The following NOTCH1 variants were observed in gnomAD, a reference collection of about 807,000 sequenced individuals.
NOTCH1 encodes the protein neurogenic locus notch homolog protein 1.
A neutral mutation model predicts 254.8 loss-of-function variants in NOTCH1; 37 were observed. The observed-to-expected ratio is 0.15, with a 90% CI of 0.11 to 0.19. The LOEUF (loss-of-function observed/expected upper bound fraction) is 0.19. Ranked by LOEUF, NOTCH1 falls within the 10% of genes least tolerant of loss-of-function variation. The pLI, the probability that NOTCH1 is intolerant of heterozygous loss-of-function variation, is 1.00. For missense variants in NOTCH1, 2,972 were observed against 3,708.6 expected (o/e 0.80, Z 5.16); for synonymous variants, 1,731 against 1,618.1 (o/e 1.07, Z -1.68).
intron 18 of NOTCH1, 152 bp downstream of exon 18, chr9:136,509,581 C>T (rs914949373): frequency 2.3e-5 from 17 of 727,046 alleles, no homozygotes; most frequent in African/African-American, 1.9e-4. Context: ...AGGGACAGGT[C>T]GGTACAATGA....
chr9:136,496,197 A>G lies in NOTCH1; in HGVS notation c.7542T>C (p.Pro2514=). The G allele has an allele frequency of 6.2e-7, 1 of 1,610,118 alleles. No homozygotes were observed. The change falls in exon 34 of 34, where the codon CCT becomes CCC. Residue 2514 remains proline, a synonymous_variant. Transcript: ENST00000651671. ...AGCTGGACCACTGGTCAGGGGACTC[A>G]GGGGACGGGGTGAGGAAGGGGTGCT... is the stretch of plus-strand genomic sequence containing the variant. ...VPEHPFLTPS[P]ESPDQWSSSS...
In NOTCH1 at chr9:136,514,714, G is replaced by A; in HGVS notation, c.2015-12C>T. The A allele has an allele frequency of 6.2e-7, 1 of 1,611,106 alleles. No individual in the cohort carries two copies. The highest frequency in any genetic ancestry group is 8.5e-7 in the Non-Finnish European group (1 of 1,179,306). ...GTTACACATGCTCCCTAAGGGCAGG[G>A]CGGGTCAGACTCCGAGGCCCAGCGC... On this transcript the variant is annotated splice_polypyrimidine_tract_variant and intron_variant, in intron 12 of 33. Transcript: ENST00000651671.
At chr9:136,542,607 C>T (rs1174748339) in intron 2 of NOTCH1, among the ~76,000 whole-genome samples, 1 of 126,962 alleles carries the variant, frequency 7.9e-6, no homozygotes, top group African/African-American at 3.0e-5. Context: ...ACACAATCGG[C>T]TTTGTCCATT....
chr9:136,519,752 A>G (rs1843337432), intron 4 of NOTCH1, 187 bp from the exon 5 acceptor site: 1 of 767,744 alleles, frequency 1.3e-6, no homozygotes, highest in African/African-American at 1.7e-5. Flanking sequence ...TGAAAGAATC[A>G]TTTTGGACAG....
Position 136,506,402 on chromosome 9 carries a change from T to A in NOTCH1, c.4014+125A>T. On this transcript the variant is annotated intron_variant, in intron 24 of 33. Transcript: ENST00000651671. This position sits in a 1 kb window ranked among gnomAD's most constrained non-coding sequence, Gnocchi z 4.5. The stretch of plus-strand genomic sequence containing the variant: ...TGAAACTAAAAAAAAAAAAAAGACA[T>A]CAGGGTGAGGAGGAGGATGAAGGCC... 33 of 671,194 alleles carry A rather than the reference T, an allele frequency of 4.9e-5. No homozygotes were observed. Among genetic ancestry groups the A allele is most frequent in the Non-Finnish European group, 7.8e-5 (31 of 399,772 alleles). 41.6% of individuals were successfully genotyped at this position (671,194 alleles called of 1,614,324 possible). A position where few individuals can be genotyped will look rare whatever the true frequency, so the allele number is the denominator to read the frequency against.
At chr9:136,522,594 T>C in intron 4 of NOTCH1, 1 of 508,704 alleles carries the variant, frequency 2.0e-6, no homozygotes, top group Non-Finnish European at 3.4e-6. Context: ...GTCCTACAGC[T>C]CGAATGTGAG....
In NOTCH1 at chr9:136,511,194, C is replaced by A. The variant is rs1224974047; in HGVS notation, c.2545G>T (p.Asp849Tyr). The A allele has an allele frequency of 6.2e-7, 1 of 1,612,858 alleles. No homozygotes were observed. The highest frequency in any genetic ancestry group is 1.7e-5 in the Admixed American group (1 of 60,012). The change falls in exon 16 of 34, where the codon GAC becomes TAC. Residue 849 changes from aspartate (D) to tyrosine (Y), a missense_variant. By Grantham distance (160) the Asp-to-Tyr change is radical. This residue lies in a region of NOTCH1 where 1,343 missense variants were observed against 1,557.0 expected (regional missense o/e 0.86). Transcript: ENST00000651671. Reference sequence around the variant, plus strand: ...CAGACACAGGAGAAGCTCTCATAGTCCTCGGATTGCCTGCACTCCCCGCCG... The same window carrying A: ...CAGACACAGGAGAAGCTCTCATAGTACTCGGATTGCCTGCACTCCCCGCCG... ...RNGGECRQSE[D>Y]YESFSCVCPT...
intron 15 of NOTCH1, 102 bp downstream of exon 15, chr9:136,512,918 TG>T (rs1564195875): frequency 2.4e-5 from 2 of 83,324 alleles, no homozygotes; most frequent in Admixed American, 1.3e-4. Context: ...CCCCCACCCC[TG>T]GCCCCACCCT....
At chr9:136,515,846 ATTGGGG>A in intron 10 of NOTCH1, 129 bp downstream of exon 10, 2 of 1,099,878 alleles carry the variant, frequency 1.8e-6, no homozygotes, top group Admixed American at 2.2e-5. Flanking sequence ...CCTACTCAGG[ATTGGGG>A]CTGAGCTGTG....
intron 24 of NOTCH1, 40 bp from the exon 25 acceptor site, chr9:136,505,921 A>ACCCCCCGCCC: frequency 1.3e-6 from 2 of 1,489,588 alleles, no homozygotes; most frequent in Non-Finnish European, 1.8e-6. Flanking sequence ...GGGGTGGGCC[A>ACCCCCCGCCC]CCCCCCGCCC....
Position 136,498,886 on chromosome 9 carries a change from G to T in NOTCH1, c.6180+13C>A, listed in dbSNP as rs1303958303. The T allele has an allele frequency of 1.9e-6, 3 of 1,613,134 alleles. No homozygotes were observed. In the Admixed American group the frequency reaches 5.0e-5, roughly 27 times the overall value. On this transcript the variant is annotated intron_variant, in intron 33 of 33. Coordinates refer to ENST00000651671, the MANE Select transcript of NOTCH1 (RefSeq NM_017617.5). Reference sequence around the variant, plus strand: ...CCCTCACGTCTCCCCTGGCATCCCAGCCTCGCGCTCACCCTGTTGTTCTGC... The same window carrying T: ...CCCTCACGTCTCCCCTGGCATCCCATCCTCGCGCTCACCCTGTTGTTCTGC...
rs1843708685 is a variant in NOTCH1, at chr9:136,540,004, T to C, written c.140+4020A>G. Among the ~76,000 whole-genome samples the C allele has an allele frequency of 6.6e-6, 1 of 152,192 alleles. No individual in the cohort carries two copies. Among genetic ancestry groups the C allele is most frequent in the South Asian group, 2.1e-4 (1 of 4,830 alleles). ...GGGGCTGTGTTTAGGGACATTCGCT[T>C]GGGAGAAGGAGAGGGGCAGGGCTAG... On this transcript the variant is annotated intron_variant, in intron 2 of 33. Transcript: ENST00000651671. The surrounding 1 kb of genome is among the most constrained non-coding windows in gnomAD (Gnocchi z 4.4).
At chr9:136,520,943 T>C (rs1306724974) in intron 4 of NOTCH1, among the ~76,000 whole-genome samples, 1 of 152,080 alleles carries the variant, frequency 6.6e-6, no homozygotes, top group Non-Finnish European at 1.5e-5. Context: ...CTCTGCGACG[T>C]AGCCTCGGCC....
intron 26 of NOTCH1, 55 bp downstream of exon 26, chr9:136,504,618 G>C (rs11574903): frequency 1.4e-6 from 2 of 1,445,444 alleles, no homozygotes; most frequent in African/African-American, 2.9e-5. Context: ...GGAGGCCGTC[G>C]GGGAGGGCCC....
Position 136,509,945 on chromosome 9 carries a change from C to T in NOTCH1, c.2757G>A (p.Gly919=), listed in dbSNP as rs1843152166. 1 of 1,613,162 alleles carries T rather than the reference C, an allele frequency of 6.2e-7. No individual in the cohort carries two copies. The highest frequency in any genetic ancestry group is 1.1e-5 in the South Asian group (1 of 91,092). The change falls in exon 18 of 34, where the codon GGG becomes GGA. Residue 919 remains glycine (G), a synonymous_variant. Coordinates refer to ENST00000651671, the MANE Select transcript of NOTCH1 (RefSeq NM_017617.5). The part of the protein sequence containing the change: ...DDCRPNPCHN[G]GSCTDGINTA... ...TGTTGATGCCGTCTGTGCAGGAGCC[C>T]CCGTTGTGACACGGGTCTGGGAGAG...
chr9:136,509,986 G>A (rs1488856218), intron 17 of NOTCH1, 25 bp from the exon 18 acceptor site: 1 of 1,602,944 alleles, frequency 6.2e-7, no homozygotes, highest in Non-Finnish European at 8.5e-7. Context: ...AAGGGTGAGT[G>A]TGAGGGGCAG....
chr9:136,542,544 CAAAAAAAAAAAA>C (rs1174860714), intron 2 of NOTCH1, among the ~76,000 whole-genome samples: 1 of 52,510 alleles, frequency 1.9e-5, no homozygotes, highest in African/African-American at 6.3e-5. Context: ...CCCCAAAAAG[CAAAAAAAAAAAA>C]AAAAAAAAAA....
Position 136,545,998 on chromosome 9 carries a change from G to A in NOTCH1, c.-212C>T. Among the ~76,000 whole-genome samples, 1 of 124,688 alleles carries A rather than the reference G, an allele frequency of 8.0e-6. No homozygotes were observed. Among genetic ancestry groups the A allele is most frequent in the African/African-American group, 3.8e-5 (1 of 26,110 alleles). 81.8% of individuals were successfully genotyped at this position (124,688 alleles called of 152,430 possible). ...CTTCGCTGCGCTCGCGCCCGCGCCC[G>A]CGCCCCGCGCCCCGCGCCCTTGCGC... On this transcript the variant is annotated 5_prime_UTR_variant, in exon 1 of 34. Transcript: ENST00000651671. This position sits in a 1 kb window ranked among gnomAD's most constrained non-coding sequence, Gnocchi z 6.8.
intron 3 of NOTCH1, among the ~76,000 whole-genome samples, 163 bp downstream of exon 3, chr9:136,523,554 C>T (rs919030742): frequency 2.0e-5 from 3 of 152,272 alleles, no homozygotes; most frequent in African/African-American, 2.4e-5. Context: ...GAAAACGAGG[C>T]GATTCCAGGT....
Sources: gnomAD v4.1 joint callset for allele counts (sites outside exome capture counted in the v4.1 genomes callset) on GRCh38, gnomAD v4.1.1 for gene constraint, gnomAD v4.1.1 regional missense constraint, Gnocchi (gnomAD v3.1) non-coding constraint, MANE v1.5 for transcripts, NCBI Gene and HGNC (gene_info 2026-07-23, HGNC 2026-07-21) for gene names.